CERS4: variants seen among roughly 807,000 people sequenced by gnomAD.
The protein encoded by CERS4 is ceramide synthase 4, also known as LAG1 homolog, ceramide synthase 4.
Under a neutral mutation model 51.8 loss-of-function variants are expected in CERS4, and 65 were observed. The observed-to-expected ratio is 1.26, with a 90% confidence interval of 1.03 to 1.54. The LOEUF (loss-of-function observed/expected upper bound fraction) is 1.54, where lower values mean the gene tolerates loss of function less well. Ranked by LOEUF, CERS4 falls within the 40% of genes most tolerant of loss-of-function variation. CERS4 has a pLI of 0.00. For synonymous variants in CERS4, 228 were observed against 208.4 expected (o/e 1.09, Z -0.81); for missense variants, 563 against 500.4 (o/e 1.13, Z -1.19).
intron 2 of CERS4, among the ~76,000 whole-genome samples, chr19:8,226,506 AGG>A (rs1967794109): frequency 6.6e-6 from 1 of 152,184 alleles, no homozygotes; most frequent in African/African-American, 2.4e-5. Flanking sequence ...ATGTTAGAGC[AGG>A]TTGAGTGAAG....
intron 10 of CERS4, 41 bp downstream of exon 10, chr19:8,258,026 C>T (rs1969489673): frequency 5.4e-6 from 8 of 1,468,074 alleles, no homozygotes; most frequent in South Asian, 1.1e-5. Flanking sequence ...GGTGGGAGGG[C>T]GTGTCTGAGA....
rs757679229 is a variant in CERS4, at chr19:8,262,035, AG to A, written c.1113del (p.Arg371SerfsTer16). 1 of 1,559,088 alleles carries A rather than the reference AG, an allele frequency of 6.4e-7. No individual in the cohort carries two copies. The highest frequency in any genetic ancestry group is 8.7e-7 in the Non-Finnish European group (1 of 1,155,962). On this transcript the variant is annotated frameshift_variant, in exon 12 of 12. Coordinates refer to ENST00000251363, the MANE Select transcript of CERS4 (RefSeq NM_024552.3). LOFTEE classifies it low-confidence loss of function (END_TRUNC). ...AAAGAACGGGGCAGCTGGAGGGCCC[AG>A]GCCAGCCCCCACTGATGGCCCTCGG... ...QLKNGAAGGP[R>X]PAPTDGPRSR... is the part of the protein sequence containing the mutation.
chr19:8,210,062 C>G lies in CERS4; in HGVS notation c.-159+568C>G, dbSNP rs1886399582. On this transcript the variant is annotated intron_variant, in intron 1 of 11. Coordinates refer to ENST00000251363, the MANE Select transcript of CERS4 (RefSeq NM_024552.3). The surrounding 1 kb of genome is among the most constrained non-coding windows in gnomAD (Gnocchi z 4.2). ...GAGTGTGTGCGGAGCAGAAAAGAGG[C>G]CAGCCTGGCTGAAACGCGGAGAGGG... 1 of 118,748 alleles carries G rather than the reference C, an allele frequency of 8.4e-6. No individual in the cohort carries two copies. The highest frequency in any genetic ancestry group is 1.9e-5 in the Non-Finnish European group (1 of 53,540). The allele number at this position is 118,748 out of a possible 1,614,324, so 7.4% of individuals were successfully genotyped here. A position where few individuals can be genotyped will look rare whatever the true frequency, so the allele number is the denominator to read the frequency against.
intron 2 of CERS4, chr19:8,250,864 G>A: frequency 7.2e-7 from 1 of 1,386,484 alleles, no homozygotes; most frequent in Middle Eastern, 2.7e-4. Flanking sequence ...TGGAGTGGGA[G>A]TGATGAGAAT....
intron 10 of CERS4, 32 bp downstream of exon 10, chr19:8,258,017 G>A: frequency 6.6e-7 from 1 of 1,503,806 alleles, no homozygotes; most frequent in African/African-American, 1.4e-5. Context: ...GGTCAGGGAG[G>A]TGGGAGGGCG....
In CERS4 at chr19:8,262,013, G is replaced by T. The variant is rs868276266; in HGVS notation, c.1089G>T (p.Lys363Asn). The T allele has an allele frequency of 8.8e-6, 14 of 1,590,110 alleles. No homozygotes were observed. The highest frequency in any genetic ancestry group is 1.2e-5 in the Non-Finnish European group (14 of 1,169,598). Residue 363 changes from lysine (K) to asparagine (N), a missense_variant, in exon 12 of 12, where the codon AAG becomes AAT. By Grantham distance (94) the Lys-to-Asn change is moderately conservative. Coordinates refer to ENST00000251363, the MANE Select transcript of CERS4 (RefSeq NM_024552.3). The part of the protein sequence containing the change: ...AAAAQEPLQL[K>N]NGAAGGPRPA... ...CGGCCCAGGAACCTCTGCAGCTAAA[G>T]AACGGGGCAGCTGGAGGGCCCAGGC...
intron 2 of CERS4, among the ~76,000 whole-genome samples, chr19:8,211,246 A>T (rs2145147858): frequency 6.6e-6 from 1 of 152,258 alleles, no homozygotes; most frequent in African/African-American, 2.4e-5. Flanking sequence ...TGTAGTTGGC[A>T]GCAGAAGTGG....
At chr19:8,225,795 C>T (rs1002331520) in intron 2 of CERS4, among the ~76,000 whole-genome samples, 1 of 152,078 alleles carries the variant, frequency 6.6e-6, no homozygotes, top group Non-Finnish European at 1.5e-5. Flanking sequence ...TCTGGAATGC[C>T]TGGTGCCACA....
chr19:8,254,756 A>C, intron 4 of CERS4, 140 bp downstream of exon 4: 1 of 706,804 alleles, frequency 1.4e-6, no homozygotes, highest in East Asian at 2.8e-5. Context: ...TCCACTCTTC[A>C]TCCTCAATTC....
In CERS4 at chr19:8,252,316, G is replaced by A. The variant is rs142154794; in HGVS notation, c.173+1067G>A. Reference sequence around the variant, plus strand: ...ACCCAGGAGACAGAGGTTGCAGTGAGCTGAGATCATGCCAGTGCACTCCAG... The same window carrying A: ...ACCCAGGAGACAGAGGTTGCAGTGAACTGAGATCATGCCAGTGCACTCCAG... On this transcript the variant is annotated intron_variant, in intron 3 of 11. Coordinates refer to ENST00000251363, the MANE Select transcript of CERS4 (RefSeq NM_024552.3). 8.2e-3 allele frequency among the ~76,000 whole-genome samples: 1,245 copies of A among 151,660 alleles called. 16 individuals are homozygous for A. The highest frequency in any genetic ancestry group is 0.028 in the African/African-American group (1,148 of 41,322).
chr19:8,226,768 G>A lies in CERS4; in HGVS notation c.-2+15906G>A, dbSNP rs187357696. ...AGCACTTTGGGAGGCTGAGGCAGGC[G>A]GATTGCCTGAGGTCAAGAGTTCGAG... On this transcript the variant is annotated intron_variant, in intron 2 of 11. Transcript: ENST00000251363. Among the ~76,000 whole-genome samples the A allele has an allele frequency of 8.2e-4, 125 of 152,214 alleles. No individual in the cohort carries two copies. The East Asian group carries it at 0.02, about 24-fold the overall frequency.
chr19:8,253,562 C>A, intron 3 of CERS4, among the ~76,000 whole-genome samples: 1 of 150,796 alleles, frequency 6.6e-6, no homozygotes, highest in Admixed American at 6.7e-5. Flanking sequence ...TGGGTTCACA[C>A]CATTCTCCTG....
chr19:8,253,797 T>G (rs938543348), intron 3 of CERS4, among the ~76,000 whole-genome samples: 1 of 151,904 alleles, frequency 6.6e-6, no homozygotes, highest in Admixed American at 6.6e-5. Context: ...ACCATATTGG[T>G]CAGGCTGGTC....
intron 2 of CERS4, among the ~76,000 whole-genome samples, chr19:8,216,033 C>G (rs1005764379): frequency 6.6e-6 from 1 of 152,080 alleles, no homozygotes; most frequent in Non-Finnish European, 1.5e-5. Context: ...ATCAGGGTTT[C>G]CTCCCTCACC....
chr19:8,250,716 A>T, intron 2 of CERS4: 1 of 656,750 alleles, frequency 1.5e-6, no homozygotes, highest in Non-Finnish European at 1.9e-6. Flanking sequence ...TGGCCTTCTA[A>T]AGTGCTGGGA....
chr19:8,256,904 C>A, intron 8 of CERS4, 45 bp from the exon 9 acceptor site: 1 of 1,613,476 alleles, frequency 6.2e-7, no homozygotes, highest in Non-Finnish European at 8.5e-7. Context: ...GGGGGACCTT[C>A]CAGCATCAAG....
At chr19:8,236,037 T>C (rs1330613859) in intron 2 of CERS4, among the ~76,000 whole-genome samples, 1 of 151,722 alleles carries the variant, frequency 6.6e-6, no homozygotes, top group African/African-American at 2.4e-5. Context: ...CTACCAAAAA[T>C]ACAAAAAAAT....
At chr19:8,234,843 C>G (rs1432382629) in intron 2 of CERS4, among the ~76,000 whole-genome samples, 1 of 151,518 alleles carries the variant, frequency 6.6e-6, no homozygotes, top group African/African-American at 2.4e-5. Flanking sequence ...CATGAGCCAC[C>G]ACGCCCGGCC....
chr19:8,246,298 C>T (rs1415491198), intron 2 of CERS4, among the ~76,000 whole-genome samples: 2 of 152,102 alleles, frequency 1.3e-5, no homozygotes, highest in South Asian at 2.1e-4. Context: ...TGGCTCATGC[C>T]TGTAATCCCA....
Sources: gnomAD v4.1 joint callset for allele counts (sites outside exome capture counted in the v4.1 genomes callset) on GRCh38, gnomAD v4.1.1 for gene constraint, Gnocchi (gnomAD v3.1) non-coding constraint, MANE v1.5 for transcripts, NCBI Gene and HGNC (gene_info 2026-07-23, HGNC 2026-07-21) for gene names.